The following TENM3 variants were observed in gnomAD, a reference collection of about 807,000 sequenced individuals.
TENM3 encodes the protein teneurin transmembrane protein 3, also known as teneurin-3.
In TENM3, 63 loss-of-function variants were observed where a neutral mutation model predicts 255.1. That is an observed-to-expected ratio of 0.25 (90% CI 0.20 to 0.30). TENM3 has a LOEUF of 0.30. Ranked by LOEUF, TENM3 falls within the 10% of genes least tolerant of loss-of-function variation. The pLI is 1.00. For missense variants in TENM3, 2,929 were observed against 3,461.1 expected, an observed-to-expected ratio of 0.85 and a Z score of 3.86; for synonymous variants, 1,306 against 1,322.3, an observed-to-expected ratio of 0.99 and a Z score of 0.27.
intron 1 of TENM3, among the ~76,000 whole-genome samples, chr4:182,243,840 C>T (rs1757455057): frequency 6.6e-6 from 1 of 151,488 alleles, no homozygotes; most frequent in Non-Finnish European, 1.5e-5. Flanking sequence ...ACTGAGGTTC[C>T]AGTACTTAGG....
the TENM3 span, among the ~76,000 whole-genome samples, chr4:181,635,781 T>TA: frequency 2.0e-5 from 3 of 152,230 alleles, no homozygotes; most frequent in African/African-American, 7.2e-5. Context: ...GCAAGAGCTT[T>TA]AAAAAAATTG....
the TENM3 span, among the ~76,000 whole-genome samples, chr4:182,118,899 T>G: frequency 1.8e-4 from 28 of 152,230 alleles, no homozygotes; most frequent in Admixed American, 1.8e-3. Context: ...ATGAGAGATT[T>G]GATCTGTAGG....
chr4:182,644,879 C>T (rs893050557), intron 5 of TENM3, among the ~76,000 whole-genome samples: 12 of 152,028 alleles, frequency 7.9e-5, no homozygotes, highest in African/African-American at 9.6e-5. Flanking sequence ...GTTTTGACCA[C>T]GATCAATGAC....
At chr4:181,451,218 A>G in the TENM3 span, among the ~76,000 whole-genome samples, 28 of 152,304 alleles carry the variant, frequency 1.8e-4, no homozygotes, top group East Asian at 5.4e-3. Flanking sequence ...TGGAAAGAAC[A>G]TGGACAAAGT....
At chr4:182,613,006 A>G (rs1749158580) in intron 4 of TENM3, among the ~76,000 whole-genome samples, 1 of 152,196 alleles carries the variant, frequency 6.6e-6, no homozygotes, top group African/African-American at 2.4e-5. Flanking sequence ...TTCATAAACT[A>G]CTTACAACCA....
the TENM3 span, among the ~76,000 whole-genome samples, chr4:182,045,638 CTATT>C: frequency 2.6e-3 from 400 of 152,164 alleles, no homozygotes; most frequent in African/African-American, 8.9e-3. Flanking sequence ...GCAGAAATAA[CTATT>C]TAAGGCAGAG....
At chr4:182,096,721 G>A in the TENM3 span, among the ~76,000 whole-genome samples, 1 of 152,048 alleles carries the variant, frequency 6.6e-6, no homozygotes, top group Admixed American at 6.5e-5. Flanking sequence ...ATCAAACCTG[G>A]GTCTGATCCA....
chr4:182,730,771 G>A, intron 15 of TENM3, 107 bp from the exon 16 acceptor site: 2 of 1,198,048 alleles, frequency 1.7e-6, no homozygotes, highest in African/African-American at 1.5e-5. Flanking sequence ...ATAAAAGTTG[G>A]GAGAAAAAGT....
chr4:182,185,039 C>T (rs560832167), intron 1 of TENM3, among the ~76,000 whole-genome samples: 56 of 151,776 alleles, frequency 3.7e-4, no homozygotes, highest in Middle Eastern at 3.4e-3. Context: ...GCCGAGACTG[C>T]GCTACTGCAC....
At chr4:181,478,354 T>C in the TENM3 span, among the ~76,000 whole-genome samples, 3 of 152,232 alleles carry the variant, frequency 2.0e-5, 1 homozygote, top group African/African-American at 2.4e-5. Context: ...TTCATTAAAA[T>C]GGCATCTTTA....
chr4:181,908,478 A>G, the TENM3 span, among the ~76,000 whole-genome samples: 3 of 152,204 alleles, frequency 2.0e-5, no homozygotes, highest in Non-Finnish European at 4.4e-5. Flanking sequence ...GATAATATTT[A>G]CATTCCATAT....
the TENM3 span, among the ~76,000 whole-genome samples, chr4:181,993,155 G>A: frequency 4.6e-5 from 7 of 152,196 alleles, no homozygotes; most frequent in East Asian, 1.4e-3. Flanking sequence ...ATATGGGTAC[G>A]ATTATCTTCT....
intron 1 of TENM3, among the ~76,000 whole-genome samples, chr4:182,230,298 C>A (rs1026678568): frequency 1.3e-5 from 2 of 152,032 alleles, no homozygotes; most frequent in African/African-American, 4.8e-5. Flanking sequence ...CCTAGGCTCG[C>A]AGAGCATTCT....
At chr4:182,626,723 T>G (rs914074874) in intron 4 of TENM3, among the ~76,000 whole-genome samples, 6 of 152,204 alleles carry the variant, frequency 3.9e-5, no homozygotes, top group African/African-American at 1.4e-4. Flanking sequence ...TTAAATTAGC[T>G]TTTTAAAGTA....
At chr4:181,756,971 C>T in the TENM3 span, among the ~76,000 whole-genome samples, 3 of 151,998 alleles carry the variant, frequency 2.0e-5, no homozygotes, top group Non-Finnish European at 4.4e-5. Flanking sequence ...GTGTTGGTGG[C>T]GATCACAGGC....
At chr4:182,105,160 C>A in the TENM3 span, among the ~76,000 whole-genome samples, 2 of 152,142 alleles carry the variant, frequency 1.3e-5, no homozygotes, top group East Asian at 3.9e-4. Flanking sequence ...CTACAGTGAC[C>A]TGTGGTTGTG....
At chr4:181,862,980 C>T in the TENM3 span, among the ~76,000 whole-genome samples, 4 of 152,248 alleles carry the variant, frequency 2.6e-5, no homozygotes, top group Non-Finnish European at 5.9e-5. Context: ...AGAAAGAATG[C>T]TCACGTGAAT....
At chr4:181,884,949 T>C in the TENM3 span, among the ~76,000 whole-genome samples, 1 of 152,280 alleles carries the variant, frequency 6.6e-6, no homozygotes, top group East Asian at 1.9e-4. Flanking sequence ...TTTGGAAATG[T>C]TTTTATGGAA....
At chr4:181,846,148 A>G in the TENM3 span, among the ~76,000 whole-genome samples, 1 of 152,184 alleles carries the variant, frequency 6.6e-6, no homozygotes, top group African/African-American at 2.4e-5. Context: ...TATTTCCCTG[A>G]CTATGAATAT....
Sources: gnomAD v4.1 joint callset for allele counts (sites outside exome capture counted in the v4.1 genomes callset) on GRCh38, gnomAD v4.1.1 for gene constraint, MANE v1.5 for transcripts, NCBI Gene and HGNC (gene_info 2026-07-23, HGNC 2026-07-21) for gene names.